Variants in URGCP observed in about 807,000 individuals in gnomAD.
The protein encoded by URGCP is upregulator of cell proliferation, also known as up-regulator of cell proliferation.
Under a neutral mutation model 24.6 loss-of-function variants are expected in URGCP, and 13 were observed. The ratio of observed to expected loss-of-function variants is 0.53; its 90% CI spans 0.34 to 0.84. The LOEUF (loss-of-function observed/expected upper bound fraction) is 0.84, where lower values mean the gene tolerates loss of function less well. Among genes scored for constraint, URGCP ranks in the 40% least tolerant of loss-of-function variants. The probability of loss-of-function intolerance (pLI) is 0.01; values close to 1 mark genes in which losing one functional copy is unlikely to be tolerated. For missense variants in URGCP, 899 were observed against 1,194.3 expected, an observed-to-expected ratio of 0.75 and a Z score of 3.64; for synonymous variants, 444 against 487.2, an observed-to-expected ratio of 0.91 and a Z score of 1.17.
chr7:43,918,867 G>A lies in URGCP; in HGVS notation c.-116+7265C>T, dbSNP rs1214836155. ...CATCTTTTTCTACCAGGCAGACGATGAGCACTACATCCCCCGGGCTGTGCT... is the reference window on the plus strand; with the variant it reads ...CATCTTTTTCTACCAGGCAGACGATAAGCACTACATCCCCCGGGCTGTGCT... On this transcript the variant is annotated intron_variant, in intron 1 of 5. Transcript: ENST00000426198. 1.2e-5 allele frequency: 17 copies of A among 1,396,126 alleles called. No homozygotes were observed. The Admixed American group carries it at 1.7e-4, about 14-fold the overall frequency. The allele number at this position is 1,396,126 out of a possible 1,614,324, so 86.5% of individuals were successfully genotyped here.
chr7:43,906,102 G>A (rs1420630746), intron 1 of URGCP: 1 of 152,182 alleles, frequency 6.6e-6, no homozygotes, highest in African/African-American at 2.4e-5. Flanking sequence ...CGGCAAACAA[G>A]CGTCCACTCC....
chr7:43,913,661 T>C (rs2095912567), intron 1 of URGCP, among the ~76,000 whole-genome samples: 1 of 152,090 alleles, frequency 6.6e-6, no homozygotes, highest in Admixed American at 6.5e-5. Context: ...ACTTTCAAGA[T>C]TCTCTGTTTT....
At chr7:43,903,872 G>A (rs2095896141) in intron 1 of URGCP, among the ~76,000 whole-genome samples, 1 of 152,198 alleles carries the variant, frequency 6.6e-6, no homozygotes, top group South Asian at 2.1e-4. Flanking sequence ...GACTAGCGGA[G>A]ATGGATTATA....
At chr7:43,912,873 CAG>C (rs2095911472) in intron 1 of URGCP, among the ~76,000 whole-genome samples, 1 of 150,974 alleles carries the variant, frequency 6.6e-6, no homozygotes, top group African/African-American at 2.4e-5. Flanking sequence ...CTTTTTGAGA[CAG>C]AGTCTCACTC....
intron 1 of URGCP, 119 bp from the exon 2 acceptor site, chr7:43,887,935 A>T: frequency 1.5e-6 from 1 of 651,368 alleles, no homozygotes; most frequent in South Asian, 2.2e-5. Flanking sequence ...CAAATTCTGC[A>T]GCCATTAAAA....
intron 1 of URGCP, among the ~76,000 whole-genome samples, chr7:43,892,713 C>T (rs2095872787): frequency 6.6e-6 from 1 of 152,164 alleles, no homozygotes; most frequent in Non-Finnish European, 1.5e-5. Context: ...AGGACTTCAA[C>T]ACTCCTTCTA....
intron 1 of URGCP, among the ~76,000 whole-genome samples, chr7:43,916,981 C>T (rs1394892549): frequency 6.6e-6 from 1 of 152,130 alleles, no homozygotes; most frequent in Non-Finnish European, 1.5e-5. Context: ...CTTTCTCCTC[C>T]TCTGTCCTCT....
chr7:43,925,657 G>A (rs2095928594), intron 1 of URGCP, among the ~76,000 whole-genome samples: 2 of 151,950 alleles, frequency 1.3e-5, no homozygotes, highest in African/African-American at 2.4e-5. Flanking sequence ...ACGTCACTAC[G>A]CCCAGCTAAT....
At position 43,881,935 on chromosome 7, in the gene URGCP, T is replaced by G. The variant is rs747787646; in HGVS notation, c.135A>C (p.Glu45Asp). Residue 45 changes from glutamate (E) to aspartate (D), a missense_variant, in exon 4 of 6, where the codon GAA (glutamate) becomes GAC (aspartate). Physicochemically the swap from Glu to Asp is conservative, Grantham distance 45. Coordinates refer to ENST00000453200, the MANE Select transcript of URGCP (RefSeq NM_001077663.3). Reference protein sequence around the residue: ...AIADLEWREMEGDDCEFRYGD... With the variant: ...AIADLEWREMDGDDCEFRYGD... ...CATAACGGAACTCGCAATCATCTCC[T>G]TCCATTTCTCTCCATTCCAAATCTA... is the stretch of plus-strand genomic sequence containing the variant. 6.2e-7 allele frequency: 1 copy of G among 1,614,170 alleles called. No homozygotes were observed. The highest frequency in any genetic ancestry group is 1.7e-5 in the Admixed American group (1 of 60,012).
At chr7:43,881,412 TG>T in intron 5 of URGCP, 1 of 611,684 alleles carries the variant, frequency 1.6e-6, no homozygotes, top group South Asian at 2.0e-5. Flanking sequence ...TTAAAGGCAG[TG>T]AGTATGTTGG....
intron 3 of URGCP, among the ~76,000 whole-genome samples, chr7:43,886,222 A>C (rs932357232): frequency 2.0e-5 from 3 of 152,226 alleles, no homozygotes; most frequent in African/African-American, 7.2e-5. Flanking sequence ...TCCTGGGTTC[A>C]AGCGAACCTC....
chr7:43,926,582 CTT>C, upstream of URGCP: 1 of 1,561,438 alleles, frequency 6.4e-7, no homozygotes. Context: ...CCCTCCAACT[CTT>C]TGGGTGTCCG....
rs573175272 is a variant in URGCP at position 43,906,057 on chromosome 7, C to T, written c.14+505G>A. 4 of 152,356 alleles carry T rather than the reference C, an allele frequency of 2.6e-5. No homozygotes were observed. The South Asian group carries it at 6.2e-4, about 24-fold the overall frequency. 9.4% of individuals were successfully genotyped at this position (152,356 alleles called of 1,614,324 possible). A position where few individuals can be genotyped will look rare whatever the true frequency, so the allele number is the denominator to read the frequency against. On this transcript the variant is annotated intron_variant, in intron 1 of 5. Transcript: ENST00000453200. Reference sequence around the variant, plus strand: ...CTGTCAGCAAAGGGTCTGCATCTGCCCGGATCCTGACATTCTGGGTACGTC... The same window carrying T: ...CTGTCAGCAAAGGGTCTGCATCTGCTCGGATCCTGACATTCTGGGTACGTC...
At chr7:43,898,779 AAATAAATAAATTT>A (rs2095883730) in intron 1 of URGCP, among the ~76,000 whole-genome samples, 1 of 74,932 alleles carries the variant, frequency 1.3e-5, no homozygotes, top group Admixed American at 1.6e-4. Context: ...ATAAATAAAT[AAATAAATAAATTT>A]ATTTTAATTT....
At chr7:43,883,362 A>ACATATATATATATATATATATATATT (rs2095857512) in intron 3 of URGCP, among the ~76,000 whole-genome samples, 1 of 88,324 alleles carries the variant, frequency 1.1e-5, no homozygotes, top group African/African-American at 5.6e-5. Flanking sequence ...ATATATATAT[A>ACATATATATATATATATATATATATT]TTTTTTTTTT....
chr7:43,899,196 CTTA>C (rs533672920), intron 1 of URGCP, among the ~76,000 whole-genome samples: 18 of 146,048 alleles, frequency 1.2e-4, no homozygotes, highest in South Asian at 2.1e-4. Flanking sequence ...TAATATATGC[CTTA>C]TTATAATACA....
intron 1 of URGCP, among the ~76,000 whole-genome samples, chr7:43,904,503 G>A (rs1437539432): frequency 6.6e-6 from 1 of 152,152 alleles, no homozygotes; most frequent in Non-Finnish European, 1.5e-5. Flanking sequence ...TAGTGCAGTA[G>A]CTTAAATGTT....
chr7:43,891,013 A>G (rs1391054458), intron 1 of URGCP, among the ~76,000 whole-genome samples: 1 of 152,080 alleles, frequency 6.6e-6, no homozygotes, highest in East Asian at 1.9e-4. Flanking sequence ...CAGCAGAATT[A>G]TCTTAGGAGC....
intron 3 of URGCP, among the ~76,000 whole-genome samples, chr7:43,884,889 T>C (rs2095859903): frequency 6.6e-6 from 1 of 152,118 alleles, no homozygotes; most frequent in South Asian, 2.1e-4. Context: ...AATTATATCG[T>C]GTGACTACAT....
Sources: allele counts gnomAD v4.1 joint callset (sites outside exome capture counted in the v4.1 genomes callset), GRCh38; gene constraint gnomAD v4.1.1; transcripts MANE v1.5; gene names NCBI Gene and HGNC (gene_info 2026-07-23, HGNC 2026-07-21).